MIR2052HG: variants seen among roughly 807,000 people sequenced by gnomAD.
MIR2052HG encodes the protein MIR2052 host gene.
chr8:74,606,658 A>G (rs983603200), intron 1 of MIR2052HG, among the ~76,000 whole-genome samples: 1 of 152,190 alleles, frequency 6.6e-6, no homozygotes, highest in Non-Finnish European at 1.5e-5. Context: ...GTACAGGGGA[A>G]TGATAGACAC....
chr8:74,732,114 T>C (rs1009455966), intron 4 of MIR2052HG, among the ~76,000 whole-genome samples: 1 of 151,972 alleles, frequency 6.6e-6, no homozygotes, highest in African/African-American at 2.4e-5. Context: ...CAACCATGAA[T>C]GGAAAACATT....
intron 4 of MIR2052HG, among the ~76,000 whole-genome samples, chr8:74,730,046 T>A (rs188303998): frequency 2.0e-5 from 3 of 152,174 alleles, no homozygotes; most frequent in African/African-American, 7.2e-5. Context: ...GAGCAATAGA[T>A]GAAGATGAGC....
At chr8:74,698,687 G>T (rs1451796316) in intron 2 of MIR2052HG, among the ~76,000 whole-genome samples, 1 of 151,884 alleles carries the variant, frequency 6.6e-6, no homozygotes, top group Non-Finnish European at 1.5e-5. Context: ...CCCATGAAAA[G>T]GTGGTTTAAC....
chr8:74,736,296 A>G (rs1028968116), intron 4 of MIR2052HG, among the ~76,000 whole-genome samples: 1 of 152,210 alleles, frequency 6.6e-6, no homozygotes, highest in Non-Finnish European at 1.5e-5. Flanking sequence ...CTTTCTGAAA[A>G]TATCTATGAA....
intron 2 of MIR2052HG, among the ~76,000 whole-genome samples, chr8:74,668,323 T>TAC (rs545618215): frequency 3.2e-4 from 49 of 151,732 alleles, no homozygotes; most frequent in East Asian, 3.1e-3. Context: ...ATTATATATG[T>TAC]ACACACACAC....
At chr8:74,632,685 G>A (rs963976449) in intron 2 of MIR2052HG, among the ~76,000 whole-genome samples, 2 of 152,136 alleles carry the variant, frequency 1.3e-5, no homozygotes, top group Non-Finnish European at 2.9e-5. Flanking sequence ...CCAATATTCT[G>A]TATGTAATTC....
At chr8:74,737,357 T>G (rs980221385) in intron 4 of MIR2052HG, among the ~76,000 whole-genome samples, 1 of 152,202 alleles carries the variant, frequency 6.6e-6, no homozygotes, top group Admixed American at 6.5e-5. Context: ...TTCTGTATCC[T>G]GCCCTTGAGC....
intron 4 of MIR2052HG, among the ~76,000 whole-genome samples, chr8:74,746,054 T>C (rs1809882316): frequency 1.3e-5 from 2 of 152,132 alleles, no homozygotes; most frequent in East Asian, 1.9e-4. Flanking sequence ...GTGAACACCA[T>C]GTGATGATGT....
intron 4 of MIR2052HG, among the ~76,000 whole-genome samples, chr8:74,729,949 A>G (rs896624395): frequency 6.6e-6 from 1 of 152,200 alleles, no homozygotes; most frequent in Admixed American, 6.5e-5. Context: ...AAAAGAAATA[A>G]TTAGTGAGAA....
At chr8:74,650,929 G>C (rs776991073) in intron 2 of MIR2052HG, among the ~76,000 whole-genome samples, 39 of 152,064 alleles carry the variant, frequency 2.6e-4, no homozygotes, top group Non-Finnish European at 2.8e-4. Flanking sequence ...AAGTGTGTTG[G>C]TTTCAGTTTG....
chr8:74,614,072 T>C (rs1473892274), intron 2 of MIR2052HG, among the ~76,000 whole-genome samples: 2 of 152,242 alleles, frequency 1.3e-5, no homozygotes, highest in Non-Finnish European at 2.9e-5. Flanking sequence ...CAAATAGTTG[T>C]TCAGATGATT....
chr8:74,716,616 AG>A (rs1338693516), intron 4 of MIR2052HG, among the ~76,000 whole-genome samples: 1 of 152,152 alleles, frequency 6.6e-6, no homozygotes, highest in Non-Finnish European at 1.5e-5. Flanking sequence ...AGGCTGAGGC[AG>A]GAGAATTGCT....
intron 4 of MIR2052HG, among the ~76,000 whole-genome samples, chr8:74,715,372 G>A (rs1328892047): frequency 6.6e-6 from 1 of 152,180 alleles, no homozygotes; most frequent in East Asian, 1.9e-4. Context: ...TGGATATACA[G>A]GCATAGAACA....
At chr8:74,639,916 G>T (rs1808620776) in intron 2 of MIR2052HG, among the ~76,000 whole-genome samples, 2 of 151,980 alleles carry the variant, frequency 1.3e-5, no homozygotes, top group African/African-American at 4.8e-5. Flanking sequence ...TTACACACTG[G>T]TATTCCCTTT....
At chr8:74,633,581 T>C (rs1336419077) in intron 2 of MIR2052HG, among the ~76,000 whole-genome samples, 2 of 152,228 alleles carry the variant, frequency 1.3e-5, no homozygotes, top group African/African-American at 4.8e-5. Context: ...TTTCTAGCAT[T>C]GTCATGTCAC....
intron 1 of MIR2052HG, among the ~76,000 whole-genome samples, chr8:74,600,268 A>C (rs1427799261): frequency 2.0e-5 from 3 of 149,408 alleles, no homozygotes; most frequent in African/African-American, 7.4e-5. Flanking sequence ...GCTCTGTTTT[A>C]TTTCTTTTCT....
chr8:74,733,963 C>A (rs1809721551), intron 4 of MIR2052HG, among the ~76,000 whole-genome samples: 1 of 152,192 alleles, frequency 6.6e-6, no homozygotes, highest in Non-Finnish European at 1.5e-5. Flanking sequence ...GCAATGGCAA[C>A]AAAAGCCAAA....
At chr8:74,628,904 T>G (rs1358352879) in intron 2 of MIR2052HG, 1 of 151,532 alleles carries the variant, frequency 6.6e-6, no homozygotes, top group African/African-American at 2.4e-5. Context: ...AAAAAAAAAT[T>G]GGTATCTTGT....
At chr8:74,602,857 C>CT (rs371931186) in intron 1 of MIR2052HG, among the ~76,000 whole-genome samples, 2 of 144,310 alleles carry the variant, frequency 1.4e-5, no homozygotes, top group African/African-American at 2.6e-5. Flanking sequence ...TTCTTTCTTT[C>CT]TTTCTTTCTT....
Sources: gnomAD v4.1 joint callset for allele counts (sites outside exome capture counted in the v4.1 genomes callset) on GRCh38, gnomAD v4.1.1 for gene constraint, MANE v1.5 for transcripts, NCBI Gene and HGNC (gene_info 2026-07-23, HGNC 2026-07-21) for gene names.